Variants in USO1 observed in about 807,000 individuals in gnomAD.
USO1 encodes USO1 vesicle transport factor.
USO1 carries 57 observed loss-of-function variants against 124.5 expected under a neutral mutation model. The ratio of observed to expected loss-of-function variants is 0.46; its 90% CI spans 0.37 to 0.57. The LOEUF (loss-of-function observed/expected upper bound fraction) is 0.57. USO1 is among the 20% of genes least tolerant of loss of function. USO1 has a pLI of 0.00. For synonymous variants in USO1, 369 were observed against 362.8 expected (o/e 1.02, Z -0.19); for missense variants, 900 against 1,040.6 (o/e 0.86, Z 1.86).
At chr4:75,762,536 T>C (rs1425535252) in intron 4 of USO1, among the ~76,000 whole-genome samples, 1 of 152,148 alleles carries the variant, frequency 6.6e-6, no homozygotes, top group Non-Finnish European at 1.5e-5. Flanking sequence ...ATTCAATAAA[T>C]TGTGGCCAAT....
chr4:75,745,409 TA>T (rs527696290), intron 1 of USO1: 435 of 491,208 alleles, frequency 8.9e-4, no homozygotes, highest in East Asian at 1.5e-3. Context: ...CCTTTGTTAC[TA>T]AAAAAAAATT....
chr4:75,791,511 G>C (rs769379775), intron 12 of USO1, among the ~76,000 whole-genome samples: 19 of 152,136 alleles, frequency 1.2e-4, no homozygotes, highest in Non-Finnish European at 2.1e-4. Flanking sequence ...GCAACAGAGA[G>C]AGACTGTGCC....
intron 1 of USO1, among the ~76,000 whole-genome samples, chr4:75,745,085 T>G (rs1721084980): frequency 6.6e-6 from 1 of 152,192 alleles, no homozygotes; most frequent in South Asian, 2.1e-4. Flanking sequence ...TGACCTTATT[T>G]TATCTGTTAT....
chr4:75,735,694 A>C (rs1261945039), intron 1 of USO1, among the ~76,000 whole-genome samples: 1 of 151,566 alleles, frequency 6.6e-6, no homozygotes, highest in East Asian at 1.9e-4. Flanking sequence ...CTGATTTTTA[A>C]TTTTCTTGTA....
At chr4:75,774,277 A>G (rs1156498171) in intron 7 of USO1, among the ~76,000 whole-genome samples, 1 of 152,182 alleles carries the variant, frequency 6.6e-6, no homozygotes, top group Non-Finnish European at 1.5e-5. Context: ...ATTGATTTAT[A>G]TTATTGAATT....
intron 1 of USO1, among the ~76,000 whole-genome samples, chr4:75,732,870 T>G (rs1410158649): frequency 6.5e-5 from 1 of 15,318 alleles, no homozygotes; most frequent in African/African-American, 1.9e-4. Context: ...AGAGCGAGAT[T>G]CCATCTAAAA....
chr4:75,786,966 T>A, intron 9 of USO1, 96 bp from the exon 10 acceptor site: 1 of 1,358,262 alleles, frequency 7.4e-7, no homozygotes, highest in South Asian at 1.9e-5. Context: ...GCTAAGGGAG[T>A]ACTTCATGCA....
At chr4:75,751,747 A>G (rs1287933278) in intron 1 of USO1, among the ~76,000 whole-genome samples, 1 of 151,398 alleles carries the variant, frequency 6.6e-6, no homozygotes, top group South Asian at 2.1e-4. Context: ...CAGTAGAATC[A>G]CTTGAACCCA....
chr4:75,727,072 G>A (rs531677127), intron 1 of USO1, among the ~76,000 whole-genome samples: 2 of 152,310 alleles, frequency 1.3e-5, no homozygotes, highest in South Asian at 4.1e-4. Context: ...TGGGTTGAAC[G>A]AAGAATACCC....
At chr4:75,743,761 G>GA (rs1397852716) in intron 1 of USO1, among the ~76,000 whole-genome samples, 3 of 152,134 alleles carry the variant, frequency 2.0e-5, no homozygotes, top group Admixed American at 1.3e-4. Context: ...TCAATTACTA[G>GA]AAAAAATGAC....
intron 7 of USO1, 126 bp from the exon 8 acceptor site, chr4:75,774,550 T>C (rs1176558816): frequency 8.2e-6 from 9 of 1,094,974 alleles, no homozygotes; most frequent in South Asian, 1.8e-5. Flanking sequence ...GTTTTCCTTA[T>C]GTATAAAGTA....
chr4:75,788,242 A>C (rs1282730331), intron 10 of USO1, among the ~76,000 whole-genome samples: 3 of 146,356 alleles, frequency 2.0e-5, no homozygotes, highest in Admixed American at 7.0e-5. Context: ...ATCTCAGCTC[A>C]CTGCAACCCC....
chr4:75,783,578 G>A (rs951386794), intron 9 of USO1, among the ~76,000 whole-genome samples: 3 of 152,030 alleles, frequency 2.0e-5, no homozygotes, highest in African/African-American at 7.2e-5. Context: ...ATTCTTGTGG[G>A]CCTTTGAATG....
Position 75,802,421 on chromosome 4 carries a change from A to G in USO1, c.1986+1221A>G, listed in dbSNP as rs796394091. Among the ~76,000 whole-genome samples the G allele has an allele frequency of 8.5e-5, 13 of 152,326 alleles. 1 individual carries two copies. Among genetic ancestry groups the G allele is most frequent in the African/African-American group, 2.6e-4 (11 of 41,568 alleles). The stretch of plus-strand genomic sequence containing the variant: ...AAATACAGTTGATTTGGCAAAAGAA[A>G]AGAGTGATTGACACAATTACTCTAA... On this transcript the variant is annotated intron_variant, in intron 17 of 23. Transcript: ENST00000514213.
At position 75,775,680 on chromosome 4, in the gene USO1, G is replaced by A. The variant is rs537672188; in HGVS notation, c.676+884G>A. Among the ~76,000 whole-genome samples the A allele has an allele frequency of 1.7e-3, 254 of 152,266 alleles. No individual in the cohort carries two copies. In the Middle Eastern group the frequency reaches 0.024, roughly 14 times the overall value. On this transcript the variant is annotated intron_variant, in intron 8 of 23. Coordinates refer to ENST00000514213, the MANE Select transcript of USO1 (RefSeq NM_003715.4). ...GGTGCAAATATAGAAAAAAAACTCAGTTTTTCACAGGGTTGGGCCTTTTCT... is the reference window on the plus strand; with the variant it reads ...GGTGCAAATATAGAAAAAAAACTCAATTTTTCACAGGGTTGGGCCTTTTCT...
chr4:75,739,496 G>T, intron 1 of USO1, among the ~76,000 whole-genome samples: 1 of 142,310 alleles, frequency 7.0e-6, no homozygotes, highest in African/African-American at 2.6e-5. Context: ...TTCATGGTCT[G>T]TTTAGTGTTA....
intron 20 of USO1, among the ~76,000 whole-genome samples, chr4:75,806,847 T>C (rs1723012367): frequency 6.6e-6 from 1 of 152,150 alleles, no homozygotes; most frequent in African/African-American, 2.4e-5. Context: ...AAGGAAAAAT[T>C]TAAATTTATA....
intron 5 of USO1, 112 bp downstream of exon 5, chr4:75,770,651 G>A (rs963960825): frequency 1.2e-5 from 17 of 1,460,828 alleles, no homozygotes; most frequent in Non-Finnish European, 1.5e-5. Context: ...AAAGTTTATT[G>A]TATTATAGCA....
At chr4:75,768,868 A>G (rs1018652889) in intron 4 of USO1, among the ~76,000 whole-genome samples, 2 of 152,224 alleles carry the variant, frequency 1.3e-5, no homozygotes, top group Non-Finnish European at 2.9e-5. Flanking sequence ...ACTGATATCT[A>G]TGTTAGTATT....
Sources: gnomAD v4.1 joint callset for allele counts (sites outside exome capture counted in the v4.1 genomes callset) on GRCh38, gnomAD v4.1.1 for gene constraint, MANE v1.5 for transcripts, NCBI Gene and HGNC (gene_info 2026-07-23, HGNC 2026-07-21) for gene names.